DOCK3: variants seen among roughly 807,000 people sequenced by gnomAD.
The protein encoded by DOCK3 is dedicator of cytokinesis 3.
Under a neutral mutation model 265.6 loss-of-function variants are expected in DOCK3, and 60 were observed. That is an observed-to-expected ratio of 0.23 (90% CI 0.18 to 0.28). The LOEUF is 0.28. Ranked by LOEUF, DOCK3 falls within the 10% of genes least tolerant of loss-of-function variation. The pLI, the probability that DOCK3 is intolerant of heterozygous loss-of-function variation, is 1.00. For missense variants in DOCK3, 1,981 were observed against 2,594.3 expected (o/e 0.76, Z 5.14); for synonymous variants, 881 against 938.0 (o/e 0.94, Z 1.11).
At chr3:50,946,233 G>A (rs2076423782) in intron 5 of DOCK3, among the ~76,000 whole-genome samples, 1 of 151,940 alleles carries the variant, frequency 6.6e-6, no homozygotes, top group Non-Finnish European at 1.5e-5. Context: ...TACTGAAGAA[G>A]GGCTTTGACG....
chr3:51,257,199 C>A (rs2079595560), intron 22 of DOCK3, among the ~76,000 whole-genome samples: 1 of 152,204 alleles, frequency 6.6e-6, no homozygotes, highest in African/African-American at 2.4e-5. Context: ...AAGGTTTTAT[C>A]AGGTCATTTC....
At chr3:50,978,413 T>G (rs1400171974) in intron 5 of DOCK3, among the ~76,000 whole-genome samples, 3 of 63,570 alleles carry the variant, frequency 4.7e-5, no homozygotes, top group Non-Finnish European at 1.0e-4. Context: ...GTGTGAGGTG[T>G]CAGTGTGCCC....
intron 27 of DOCK3, among the ~76,000 whole-genome samples, chr3:51,288,597 T>TA (rs137976463): frequency 6.6e-6 from 1 of 151,524 alleles, no homozygotes; most frequent in African/African-American, 2.4e-5. Context: ...GAACCTAAAA[T>TA]AAAAAAAGAA....
At position 50,787,792 on chromosome 3, in the gene DOCK3, C is replaced by T. The variant is rs1559638526; in HGVS notation, c.121+9034C>T. ...CTTATCATTCTCTCCATAGTCATTG[C>T]TGTTATCTGTGGCCCCTTCCTCTCT... is the stretch of plus-strand genomic sequence containing the variant. On this transcript the variant is annotated intron_variant, in intron 2 of 52. Coordinates refer to ENST00000266037, the MANE Select transcript of DOCK3 (RefSeq NM_004947.5). 3.6e-6 allele frequency: 4 copies of T among 1,109,940 alleles called. No individual in the cohort carries two copies. The East Asian group carries it at 1.0e-4, about 29-fold the overall frequency. 68.8% of individuals were successfully genotyped at this position (1,109,940 alleles called of 1,614,324 possible).
In DOCK3 at chr3:51,288,570, C is replaced by A. The variant is rs549193141; in HGVS notation, c.2922+8366C>A. ...ATGCTCAATTTACCTATATAACAAA[C>A]CTGCACATGTACCCCTGAACCTAAA... is the stretch of plus-strand genomic sequence containing the variant. On this transcript the variant is annotated intron_variant, in intron 27 of 52. Coordinates refer to ENST00000266037, the MANE Select transcript of DOCK3 (RefSeq NM_004947.5). Among the ~76,000 whole-genome samples the A allele has an allele frequency of 3.9e-5, 6 of 152,104 alleles. No homozygotes were observed. In the East Asian group the frequency reaches 1.2e-3, roughly 29 times the overall value.
At chr3:51,310,453 G>A in intron 28 of DOCK3, 127 bp downstream of exon 28, 1 of 810,492 alleles carries the variant, frequency 1.2e-6, no homozygotes, top group Non-Finnish European at 2.0e-6. Flanking sequence ...ACAGAGAGGA[G>A]AGGGCAAATG....
chr3:51,326,986 A>C (rs2084171379), intron 32 of DOCK3, among the ~76,000 whole-genome samples: 1 of 152,178 alleles, frequency 6.6e-6, no homozygotes, highest in Non-Finnish European at 1.5e-5. Context: ...AAAAACATTT[A>C]TTCTCATTTT....
chr3:51,076,691 AG>A (rs2082068222), intron 7 of DOCK3, among the ~76,000 whole-genome samples: 1 of 152,214 alleles, frequency 6.6e-6, no homozygotes, highest in South Asian at 2.1e-4. Flanking sequence ...AATAGACCAC[AG>A]TCAAACAGTT....
At chr3:50,832,417 G>C (rs919365416) in intron 2 of DOCK3, among the ~76,000 whole-genome samples, 23 of 152,184 alleles carry the variant, frequency 1.5e-4, no homozygotes, top group African/African-American at 5.1e-4. Flanking sequence ...TCATCAGAGT[G>C]AACAGGCAGC....
intron 5 of DOCK3, among the ~76,000 whole-genome samples, chr3:51,031,049 C>CTG (rs1442221706): frequency 3.3e-5 from 5 of 152,212 alleles, no homozygotes; most frequent in Admixed American, 2.0e-4. Context: ...TATGTTTTAG[C>CTG]TGTACTCACA....
In DOCK3 at chr3:51,359,681, C is replaced by T. The variant is rs2086597324; in HGVS notation, c.4885-830C>T. Reference sequence around the variant, plus strand: ...GCACAAAACACTTTCCTATATACATCACGTTCTTCCGTGTGCACACATAGC... The same window carrying T: ...GCACAAAACACTTTCCTATATACATTACGTTCTTCCGTGTGCACACATAGC... On this transcript the variant is annotated intron_variant, in intron 46 of 52. Coordinates refer to ENST00000266037, the MANE Select transcript of DOCK3 (RefSeq NM_004947.5). This position sits in a 1 kb window ranked among gnomAD's most constrained non-coding sequence, Gnocchi z 4.8. Among the ~76,000 whole-genome samples the T allele has an allele frequency of 6.6e-6, 1 of 152,246 alleles. No individual in the cohort carries two copies. Among genetic ancestry groups the T allele is most frequent in the Admixed American group, 6.5e-5 (1 of 15,286 alleles).
chr3:51,225,842 A>G (rs1283683901), intron 15 of DOCK3, 69 bp downstream of exon 15: 1 of 1,536,308 alleles, frequency 6.5e-7, no homozygotes, highest in Non-Finnish European at 8.8e-7. Context: ...GACTTTATCC[A>G]GAGGCCCATT....
intron 2 of DOCK3, among the ~76,000 whole-genome samples, chr3:50,807,763 G>A (rs1262704311): frequency 6.6e-6 from 1 of 152,040 alleles, no homozygotes; most frequent in Non-Finnish European, 1.5e-5. Context: ...TTGATTGATC[G>A]ATAGATACAA....
intron 5 of DOCK3, among the ~76,000 whole-genome samples, chr3:51,008,236 T>C (rs572676336): frequency 2.0e-5 from 3 of 152,362 alleles, no homozygotes; most frequent in East Asian, 3.8e-4. Context: ...TTTCACGATA[T>C]GGATTCTTCC....
At chr3:50,771,634 G>A (rs889923496) in intron 1 of DOCK3, among the ~76,000 whole-genome samples, 3 of 152,128 alleles carry the variant, frequency 2.0e-5, no homozygotes, top group Non-Finnish European at 4.4e-5. Context: ...GGTGGATCAC[G>A]AGGTCAGGAG....
At chr3:51,245,390 CTTT>C (rs71084137) in intron 21 of DOCK3, among the ~76,000 whole-genome samples, 17 of 106,664 alleles carry the variant, frequency 1.6e-4, no homozygotes, top group Admixed American at 1.9e-4. Flanking sequence ...CATTTTCTTT[CTTT>C]TTTTTTTTTT....
At chr3:51,092,232 C>T (rs967474499) in intron 9 of DOCK3, among the ~76,000 whole-genome samples, 4 of 152,188 alleles carry the variant, frequency 2.6e-5, no homozygotes, top group Admixed American at 2.0e-4. Context: ...GTCCCACCCC[C>T]ATGGAGCCCA....
chr3:50,803,661 GC>G (rs1451925657), intron 2 of DOCK3, among the ~76,000 whole-genome samples: 2 of 151,494 alleles, frequency 1.3e-5, no homozygotes, highest in East Asian at 2.0e-4. Context: ...GGGCAGAGGT[GC>G]CCCCCACCTC....
Position 51,374,357 on chromosome 3 carries a change from C to A in DOCK3, c.5294-112C>A. On this transcript the variant is annotated intron_variant, in intron 49 of 52. Transcript: ENST00000266037. The surrounding 1 kb of genome is among the most constrained non-coding windows in gnomAD (Gnocchi z 4.8). ...CCTGTGCTTGCTGAGTTCATCCTCA[C>A]CCTAACTGTAAGGGACACCTACCCT... 1.1e-6 allele frequency: 1 copy of A among 951,500 alleles called. No individual in the cohort carries two copies. Among genetic ancestry groups the A allele is most frequent in the Non-Finnish European group, 1.6e-6 (1 of 613,108 alleles). 58.9% of individuals were successfully genotyped at this position (951,500 alleles called of 1,614,324 possible). A position where few individuals can be genotyped will look rare whatever the true frequency, so the allele number is the denominator to read the frequency against.
Sources: allele counts gnomAD v4.1 joint callset (sites outside exome capture counted in the v4.1 genomes callset), GRCh38; gene constraint gnomAD v4.1.1; non-coding constraint Gnocchi (gnomAD v3.1); transcripts MANE v1.5; gene names NCBI Gene and HGNC (gene_info 2026-07-23, HGNC 2026-07-21).